The following CDH6 variants were observed in gnomAD, a reference collection of about 807,000 sequenced individuals.
CDH6 encodes cadherin-6.
A neutral mutation model predicts 78.0 loss-of-function variants in CDH6; 31 were observed. The ratio of observed to expected loss-of-function variants is 0.40; its 90% CI spans 0.30 to 0.54. The LOEUF (loss-of-function observed/expected upper bound fraction) is 0.54. Among genes scored for constraint, CDH6 ranks in the 20% least tolerant of loss-of-function variants. The probability of loss-of-function intolerance (pLI) is 0.56; values close to 1 mark genes in which losing one functional copy is unlikely to be tolerated. For synonymous variants in CDH6, 376 were observed against 368.8 expected (o/e 1.02, Z -0.23); for missense variants, 724 against 975.9 (o/e 0.74, Z 3.44).
intron 2 of CDH6, among the ~76,000 whole-genome samples, chr5:31,292,190 A>G (rs937274852): frequency 2.0e-5 from 3 of 152,216 alleles, no homozygotes; most frequent in Non-Finnish European, 4.4e-5. Context: ...TGTTTCCCAA[A>G]GTATCTTTTT....
Position 31,317,419 on chromosome 5 carries a change from T to A in CDH6, c.1557T>A (p.Ser519Arg), listed in dbSNP as rs763898692. The A allele has an allele frequency of 2.0e-5, 33 of 1,611,372 alleles. No individual in the cohort carries two copies. In the South Asian group the frequency reaches 3.0e-4, roughly 14 times the overall value. ...CTGTTGACAAGGATGACCCTTATAG[T>A]GGACACCAATTTTCGTTTTCCTTGG... ...LHAVDKDDPY[S>R]GHQFSFSLAP... The change falls in exon 10 of 12, where the codon AGT becomes AGA. Residue 519 changes from serine (S) to arginine (R), a missense_variant. Physicochemically the swap from Ser to Arg is moderately radical, Grantham distance 110. Coordinates refer to ENST00000265071, the MANE Select transcript of CDH6 (RefSeq NM_004932.4).
At chr5:31,285,448 A>G (rs1459104276) in intron 2 of CDH6, among the ~76,000 whole-genome samples, 1 of 152,188 alleles carries the variant, frequency 6.6e-6, no homozygotes, top group African/African-American at 2.4e-5. Context: ...GTGAATCCTA[A>G]TACCTAATAA....
chr5:31,304,844 C>A (rs1048672225), intron 6 of CDH6, among the ~76,000 whole-genome samples: 1 of 152,076 alleles, frequency 6.6e-6, no homozygotes. Flanking sequence ...TTCCAAGTGC[C>A]CTTCCTGCCT....
intron 1 of CDH6, among the ~76,000 whole-genome samples, chr5:31,265,782 T>G (rs1742329499): frequency 1.4e-5 from 2 of 139,392 alleles, no homozygotes; most frequent in South Asian, 2.5e-4. Flanking sequence ...TTTTTTTTTT[T>G]TTTTTTTTTT....
chr5:31,226,575 G>A (rs955929173), intron 1 of CDH6, among the ~76,000 whole-genome samples: 1 of 152,240 alleles, frequency 6.6e-6, no homozygotes, highest in African/African-American at 2.4e-5. Flanking sequence ...GAGGTTGTGC[G>A]ACTTGGCCAT....
At chr5:31,222,096 A>C (rs1204641964) in intron 1 of CDH6, among the ~76,000 whole-genome samples, 1 of 152,212 alleles carries the variant, frequency 6.6e-6, no homozygotes, top group African/African-American at 2.4e-5. Flanking sequence ...AATAGGAAAG[A>C]CTTCCCTTCT....
chr5:31,269,334 C>T (rs747354322), intron 2 of CDH6, among the ~76,000 whole-genome samples: 141 of 150,890 alleles, frequency 9.3e-4, no homozygotes, highest in Non-Finnish European at 1.1e-3. Flanking sequence ...GCTAAAACCT[C>T]GTAAGAATCA....
chr5:31,197,479 T>G (rs1179675175), intron 1 of CDH6, among the ~76,000 whole-genome samples: 2 of 152,212 alleles, frequency 1.3e-5, no homozygotes, highest in East Asian at 3.8e-4. Flanking sequence ...TTCTTAACAG[T>G]GTTTCAACCT....
intron 1 of CDH6, among the ~76,000 whole-genome samples, chr5:31,243,752 A>ACAGC (rs1015858188): frequency 1.9e-4 from 29 of 152,216 alleles, no homozygotes; most frequent in African/African-American, 7.0e-4. Flanking sequence ...AGAGGTAAAC[A>ACAGC]CAGCTCATGC....
intron 11 of CDH6, 74 bp from the exon 12 acceptor site, chr5:31,322,744 A>G (rs2962790): frequency 1 from 1,503,113 of 1,503,118 alleles, 751,554 homozygotes; most frequent in Middle Eastern, 1. Flanking sequence ...ATTTGAGCAC[A>G]GTGTTTCTTC....
intron 1 of CDH6, among the ~76,000 whole-genome samples, chr5:31,226,691 G>A (rs983398339): frequency 6.6e-6 from 1 of 152,068 alleles, no homozygotes; most frequent in South Asian, 2.1e-4. Flanking sequence ...CTACCAACAC[G>A]AGAAGAAAAC....
chr5:31,261,776 C>T (rs1432287081), intron 1 of CDH6, among the ~76,000 whole-genome samples: 2 of 152,032 alleles, frequency 1.3e-5, no homozygotes, highest in Admixed American at 6.5e-5. Flanking sequence ...AAAACTTGAA[C>T]GTAATTATAT....
chr5:31,209,623 A>G (rs551919076), intron 1 of CDH6, among the ~76,000 whole-genome samples: 1 of 152,326 alleles, frequency 6.6e-6, no homozygotes, highest in South Asian at 2.1e-4. Flanking sequence ...AAGTGTTTTC[A>G]GCTGGTATAT....
intron 2 of CDH6, among the ~76,000 whole-genome samples, chr5:31,274,142 T>C (rs1257435752): frequency 6.6e-6 from 1 of 152,256 alleles, no homozygotes; most frequent in Non-Finnish European, 1.5e-5. Flanking sequence ...GATATACTTC[T>C]TAGAAAATAT....
At chr5:31,279,535 A>C (rs148598890) in intron 2 of CDH6, among the ~76,000 whole-genome samples, 2,993 of 152,236 alleles carry the variant, frequency 0.02, 44 homozygotes, top group Non-Finnish European at 0.031. Flanking sequence ...ATGCCACTGC[A>C]CTCTAGCCTG....
intron 1 of CDH6, among the ~76,000 whole-genome samples, chr5:31,258,790 C>A (rs1318820306): frequency 6.6e-6 from 1 of 152,130 alleles, no homozygotes; most frequent in Non-Finnish European, 1.5e-5. Flanking sequence ...CTCTTGGAGA[C>A]CTCCGTTGGT....
At chr5:31,320,003 T>G (rs1738435976) in intron 11 of CDH6, among the ~76,000 whole-genome samples, 2 of 152,280 alleles carry the variant, frequency 1.3e-5, no homozygotes, top group Non-Finnish European at 2.9e-5. Flanking sequence ...ACGATGAAAT[T>G]TGAACACAAA....
chr5:31,293,954 TACACTAG>T lies in CDH6; in HGVS notation c.229-7_229-1del. 1.9e-6 allele frequency: 3 copies of T among 1,538,754 alleles called. No homozygotes were observed. Among genetic ancestry groups the T allele is most frequent in the Admixed American group, 2.1e-5 (1 of 46,968 alleles). Reference sequence around the variant, plus strand: ...TTTACTTTCTTTAATTTTTTTTTTCTACACTAGTTACATTCAGACCAGGATAGAGGAG... The same window carrying T: ...TTTACTTTCTTTAATTTTTTTTTTCTTTACATTCAGACCAGGATAGAGGAG... On this transcript the variant is annotated splice_acceptor_variant and splice_polypyrimidine_tract_variant and intron_variant, in intron 2 of 11. Transcript: ENST00000265071. LOFTEE classifies it high-confidence loss of function.
chr5:31,203,233 C>CTTTTTTTTTTTT (rs10656122), intron 1 of CDH6, among the ~76,000 whole-genome samples: 2 of 127,238 alleles, frequency 1.6e-5, no homozygotes, highest in Admixed American at 7.6e-5. Context: ...CAGGCAGGTC[C>CTTTTTTTTTTTT]TTTTTTTTTT....
Sources: gnomAD v4.1 joint callset for allele counts (sites outside exome capture counted in the v4.1 genomes callset) on GRCh38, gnomAD v4.1.1 for gene constraint, MANE v1.5 for transcripts, NCBI Gene and HGNC (gene_info 2026-07-23, HGNC 2026-07-21) for gene names.